Variants in RGCC observed in about 807,000 individuals in gnomAD.
The protein encoded by RGCC is regulator of cell cycle.
In RGCC, 15 loss-of-function variants were observed where a neutral mutation model predicts 15.4. That is an observed-to-expected ratio of 0.97 (90% CI 0.65 to 1.50). RGCC has a LOEUF of 1.50. Among genes scored for constraint, RGCC ranks in the 40% most tolerant of loss-of-function variants. RGCC has a pLI of 0.00. For missense variants in RGCC, 176 were observed against 189.7 expected, an observed-to-expected ratio of 0.93 and a Z score of 0.42; for synonymous variants, 81 against 78.0, an observed-to-expected ratio of 1.04 and a Z score of -0.20.
At position 41,457,565 on chromosome 13, in the gene RGCC, C is replaced by G. The variant is rs776172902; in HGVS notation, c.-143C>G. On this transcript the variant is annotated 5_prime_UTR_variant, in exon 1 of 5. Coordinates refer to ENST00000379359, the MANE Select transcript of RGCC (RefSeq NM_014059.3). The surrounding 1 kb of genome is among the most constrained non-coding windows in gnomAD (Gnocchi z 4.9). ...AGCCGGTGGTAGGGCGGGCGCGGAC[C>G]GTGCTGGGAGCGGCGCGGCTGGAGC... The G allele has an allele frequency of 9.7e-6, 13 of 1,341,962 alleles. No individual in the cohort carries two copies. The South Asian group carries it at 1.8e-4, about 19-fold the overall frequency. 83.1% of individuals were successfully genotyped at this position (1,341,962 alleles called of 1,614,324 possible).
intron 3 of RGCC, 127 bp downstream of exon 3, chr13:41,467,057 T>C (rs45453494): frequency 0.018 from 11,811 of 666,566 alleles, 157 homozygotes; most frequent in Middle Eastern, 0.025. Context: ...GTAAGACTAA[T>C]GTCTTAATAC....
chr13:41,468,380 A>C (rs2043858495), intron 3 of RGCC, among the ~76,000 whole-genome samples: 1 of 152,196 alleles, frequency 6.6e-6, no homozygotes, highest in South Asian at 2.1e-4. Flanking sequence ...ACAATACAAA[A>C]ACCAGACTCC....
intron 2 of RGCC, among the ~76,000 whole-genome samples, chr13:41,461,737 G>A (rs938136342): frequency 6.6e-6 from 1 of 152,228 alleles, no homozygotes; most frequent in African/African-American, 2.4e-5. Context: ...GCATATCTTT[G>A]CTTAGGCTAT....
rs188553413 is a variant in RGCC, at chr13:41,467,744, G to C, written c.343+814G>C. Among the ~76,000 whole-genome samples, 10 of 152,258 alleles carry C rather than the reference G, an allele frequency of 6.6e-5. No individual in the cohort carries two copies. In the East Asian group the frequency reaches 1.9e-3, roughly 29 times the overall value. On this transcript the variant is annotated intron_variant, in intron 3 of 4. Transcript: ENST00000379359. Reference sequence around the variant, plus strand: ...ATTTGAAAGTTCCCTTCTCAACATAGCAACGTTAGCACCCACTGGGAATTC... The same window carrying C: ...ATTTGAAAGTTCCCTTCTCAACATACCAACGTTAGCACCCACTGGGAATTC...
chr13:41,457,752 C>T lies in RGCC; in HGVS notation c.45C>T (p.Ala15=), dbSNP rs1354703603. The T allele has an allele frequency of 9.3e-6, 13 of 1,396,864 alleles. No individual in the cohort carries two copies. The highest frequency in any genetic ancestry group is 4.2e-4 in the Middle Eastern group (2 of 4,772). 86.5% of individuals were successfully genotyped at this position (1,396,864 alleles called of 1,614,324 possible). The stretch of plus-strand genomic sequence containing the variant: ...AGGGCAGCCCCGCGGCCGCCGCGGC[C>T]GCAGGTGAGTGCGGGGTCCGGGGTC... ...AAQGSPAAAA[A]AAPALDSAAA... Residue 15 remains alanine, a synonymous_variant, in exon 1 of 5, where the codon GCC becomes GCT. Transcript: ENST00000379359. This position sits in a 1 kb window ranked among gnomAD's most constrained non-coding sequence, Gnocchi z 4.9.
intron 4 of RGCC, among the ~76,000 whole-genome samples, chr13:41,469,295 T>TAATAATAAGAAGAAGAAGAAGAAGAAG (rs869157194): frequency 1.2e-5 from 1 of 86,726 alleles, no homozygotes; most frequent in African/African-American, 3.7e-5. Flanking sequence ...ATAATAATAA[T>TAATAATAAGAAGAAGAAGAAGAAGAAG]AAGAAGAAGA....
At chr13:41,460,174 G>A (rs2043814442) in intron 2 of RGCC, among the ~76,000 whole-genome samples, 1 of 152,210 alleles carries the variant, frequency 6.6e-6, no homozygotes, top group Non-Finnish European at 1.5e-5. Context: ...AGAACATAAA[G>A]AAAGCTCAGA....
rs1212778818 is a variant in RGCC, at chr13:41,466,190, CTCACACACACTCAT to C, written c.236-632_236-619del. ...TCTCACACACTTTCTCACACACACA[CTCACACACACTCAT>C]ACACTCACACACTTTCTCACACACA... On this transcript the variant is annotated intron_variant, in intron 2 of 4. Transcript: ENST00000379359. Among the ~76,000 whole-genome samples, 111 of 46,950 alleles carry C rather than the reference CTCACACACACTCAT, an allele frequency of 2.4e-3. 1 individual carries two copies. Among genetic ancestry groups the C allele is most frequent in the African/African-American group, 4.7e-3 (107 of 22,852 alleles). The allele number at this position is 46,950 out of a possible 152,430, so 30.8% of individuals were successfully genotyped here.
At chr13:41,460,474 G>T (rs543849485) in intron 2 of RGCC, among the ~76,000 whole-genome samples, 1 of 152,188 alleles carries the variant, frequency 6.6e-6, no homozygotes, top group African/African-American at 2.4e-5. Context: ...TTTAGCAAAC[G>T]CTTGTTATGA....
At position 41,468,755 on chromosome 13, in the gene RGCC, T is replaced by C. The variant is rs368703825; in HGVS notation, c.344-21T>C. On this transcript the variant is annotated intron_variant, in intron 3 of 4. Transcript: ENST00000379359. The stretch of plus-strand genomic sequence containing the variant: ...AAACTGAACTCTCTCTCTCTCTCTC[T>C]CTCCCTCTCCTGTTTCACAGCTAAA... 4.4e-6 allele frequency: 7 copies of C among 1,583,184 alleles called. No homozygotes were observed. The African/African-American group carries it at 8.1e-5, about 18-fold the overall frequency.
intron 2 of RGCC, among the ~76,000 whole-genome samples, chr13:41,463,832 C>G (rs1278328462): frequency 6.6e-6 from 1 of 152,122 alleles, no homozygotes; most frequent in African/African-American, 2.4e-5. Context: ...CCTTTTTTCC[C>G]CTGCTAACAT....
Position 41,457,841 on chromosome 13 carries a change from C to T in RGCC, c.49+85C>T, listed in dbSNP as rs1252863990. ...GGAGGGGCCCCGTGTCGTCCCTTCA[C>T]ACCCCCCACCCTTCCATCCTCCCCG... On this transcript the variant is annotated intron_variant, in intron 1 of 4. Coordinates refer to ENST00000379359, the MANE Select transcript of RGCC (RefSeq NM_014059.3). The surrounding 1 kb of genome is among the most constrained non-coding windows in gnomAD (Gnocchi z 4.9). 8.2e-6 allele frequency: 11 copies of T among 1,338,754 alleles called. No homozygotes were observed. Among genetic ancestry groups the T allele is most frequent in the Non-Finnish European group, 1.1e-5 (11 of 1,042,602 alleles). 82.9% of individuals were successfully genotyped at this position (1,338,754 alleles called of 1,614,324 possible).
chr13:41,466,111 C>T (rs1185385084), intron 2 of RGCC, among the ~76,000 whole-genome samples: 2 of 151,532 alleles, frequency 1.3e-5, no homozygotes, highest in Non-Finnish European at 2.9e-5. Context: ...CACATGCTCT[C>T]ACACACACAC....
chr13:41,468,682 A>G, intron 3 of RGCC, 94 bp from the exon 4 acceptor site: 1 of 918,678 alleles, frequency 1.1e-6, no homozygotes, highest in Non-Finnish European at 1.7e-6. Flanking sequence ...TGGAAGTTCC[A>G]ACTTCCTGGA....
rs1337719089 is a variant in RGCC at position 41,458,750 on chromosome 13, G to A, written c.235+280G>A. On this transcript the variant is annotated intron_variant, in intron 2 of 4. Transcript: ENST00000379359. This position sits in a 1 kb window ranked among gnomAD's most constrained non-coding sequence, Gnocchi z 4.4. ...GACAGGACTCCCTGGACCTGCACCA[G>A]GCCTTTCCGCAGTTTCCCTCCTCTT... is the stretch of plus-strand genomic sequence containing the variant. Among the ~76,000 whole-genome samples the A allele has an allele frequency of 6.6e-6, 1 of 152,170 alleles. No homozygotes were observed. The highest frequency in any genetic ancestry group is 1.5e-5 in the Non-Finnish European group (1 of 68,036).
At chr13:41,469,471 G>A (rs916963287) in intron 4 of RGCC, among the ~76,000 whole-genome samples, 1 of 152,050 alleles carries the variant, frequency 6.6e-6, no homozygotes, top group East Asian at 1.9e-4. Context: ...AGCAAGACTG[G>A]AGCATTACCA....
chr13:41,468,815 C>T lies in RGCC; in HGVS notation c.383C>T (p.Ala128Val). ...ACAAAAGAGCTAGAAGCCTTCATTGCTGATCTTGACAAAACTTTAGCAAGT... is the reference window on the plus strand; with the variant it reads ...ACAAAAGAGCTAGAAGCCTTCATTGTTGATCTTGACAAAACTTTAGCAAGT... The part of the protein sequence containing the change: ...GDTKELEAFI[A>V]DLDKTLASM Residue 128 changes from alanine (A) to valine (V), a missense_variant, in exon 4 of 5, where the codon GCT (alanine) becomes GTT (valine). By Grantham distance (64) the Ala-to-Val change is moderately conservative. Coordinates refer to ENST00000379359, the MANE Select transcript of RGCC (RefSeq NM_014059.3). The T allele has an allele frequency of 2.5e-6, 4 of 1,607,176 alleles. No individual in the cohort carries two copies. The Admixed American group carries it at 6.7e-5, about 27-fold the overall frequency.
At chr13:41,468,560 C>G (rs2043859141) in intron 3 of RGCC, among the ~76,000 whole-genome samples, 1 of 152,206 alleles carries the variant, frequency 6.6e-6, no homozygotes, top group Admixed American at 6.5e-5. Flanking sequence ...TCTGAGTTTA[C>G]TGTATCAAAA....
In RGCC at chr13:41,457,754, C is replaced by A; in HGVS notation, c.47C>A (p.Ala16Glu). 1 of 1,395,302 alleles carries A rather than the reference C, an allele frequency of 7.2e-7. No homozygotes were observed. The highest frequency in any genetic ancestry group is 9.3e-7 in the Non-Finnish European group (1 of 1,079,526). The allele number at this position is 1,395,302 out of a possible 1,614,324, so 86.4% of individuals were successfully genotyped here. Residue 16 changes from alanine to glutamate, a missense_variant and splice_region_variant, in exon 1 of 5, where the codon GCA becomes GAA. By Grantham distance (107) the Ala-to-Glu change is moderately radical. Transcript: ENST00000379359. This position sits in a 1 kb window ranked among gnomAD's most constrained non-coding sequence, Gnocchi z 4.9. ...GGCAGCCCCGCGGCCGCCGCGGCCGCAGGTGAGTGCGGGGTCCGGGGTCCC... is the reference window on the plus strand; with the variant it reads ...GGCAGCCCCGCGGCCGCCGCGGCCGAAGGTGAGTGCGGGGTCCGGGGTCCC... ...AQGSPAAAAA[A>E]APALDSAAAE... is the part of the protein sequence containing the mutation.
Sources: allele counts gnomAD v4.1 joint callset (sites outside exome capture counted in the v4.1 genomes callset), GRCh38; gene constraint gnomAD v4.1.1; non-coding constraint Gnocchi (gnomAD v3.1); transcripts MANE v1.5; gene names NCBI Gene and HGNC (gene_info 2026-07-23, HGNC 2026-07-21).